Variants in KLHL13 observed in about 807,000 individuals in gnomAD.
KLHL13 encodes the protein kelch-like protein 13.
In KLHL13, 10 loss-of-function variants were observed where a neutral mutation model predicts 37.1. That is an observed-to-expected ratio of 0.27 (90% CI 0.17 to 0.46). The LOEUF is 0.46. Ranked by LOEUF, KLHL13 falls within the 20% of genes least tolerant of loss-of-function variation. The pLI, the probability that KLHL13 is intolerant of heterozygous loss-of-function variation, is 1.00. For missense variants in KLHL13, 360 were observed against 509.3 expected (o/e 0.71, Z 2.82); for synonymous variants, 163 against 181.2 (o/e 0.90, Z 0.81).
At chrX:118,085,942 T>C (rs1204683705) in intron 1 of KLHL13, among the ~76,000 whole-genome samples, 2 of 108,474 alleles carry the variant, frequency 1.8e-5, no homozygotes, top group Non-Finnish European at 3.8e-5. Flanking sequence ...TGCATGAAGA[T>C]GGATTTTTTT....
At chrX:117,945,696 T>C (rs1434308541) in intron 1 of KLHL13, 121 bp from the exon 3 acceptor site, 3 of 539,595 alleles carry the variant, frequency 5.6e-6, no homozygotes, top group African/African-American at 2.4e-5. Flanking sequence ...ATGGTGAATA[T>C]TGTTTCACTA....
At chrX:118,076,905 TTC>T (rs755332373) in intron 1 of KLHL13, among the ~76,000 whole-genome samples, 1 of 107,280 alleles carries the variant, frequency 9.3e-6, no homozygotes, top group African/African-American at 3.4e-5. Context: ...TCTCTTCTTC[TTC>T]TCTCTCTCTC....
rs144568986 is a variant in KLHL13, at chrX:117,915,243, T to C, written c.570+4278A>G. 9.6e-3 allele frequency among the ~76,000 whole-genome samples: 1,085 copies of C among 112,451 alleles called. 12 individuals carry two copies. The highest frequency in any genetic ancestry group is 0.032 in the African/African-American group (978 of 30,977). On this transcript the variant is annotated intron_variant, in intron 4 of 6. Transcript: ENST00000262820. ...TGAAAAATGTGAAATATATGTACTA[T>C]GCAGGAAATCCTCAGTAATTTAGTA...
At chrX:117,919,536 C>T (rs6645994) in exon 4 of KLHL13, 125,860 of 1,203,763 alleles carry the variant, frequency 0.1, 13,138 homozygotes, top group African/African-American at 0.71. Flanking sequence ...ATATGAGAAA[C>T]ACTTTACAGA....
intron 1 of KLHL13, among the ~76,000 whole-genome samples, chrX:118,056,934 C>A (rs759817147): frequency 1.5e-4 from 17 of 112,149 alleles, no homozygotes; most frequent in Non-Finnish European, 3.0e-4. Flanking sequence ...AGCCTCCGAG[C>A]ACTTAAATCT....
At chrX:118,081,877 A>C (rs2054998056) in intron 1 of KLHL13, among the ~76,000 whole-genome samples, 1 of 109,676 alleles carries the variant, frequency 9.1e-6, no homozygotes, top group Non-Finnish European at 1.9e-5. Context: ...AATGACCCCC[A>C]GTTTTATCCA....
At position 118,069,420 on chromosome X, in the gene KLHL13, TAAA is replaced by T. The variant is rs66906743; in HGVS notation, c.-56+47085_-56+47087del. Among the ~76,000 whole-genome samples the T allele has an allele frequency of 7.6e-3, 465 of 61,529 alleles. 7 individuals carry two copies. Among genetic ancestry groups the T allele is most frequent in the African/African-American group, 0.026 (438 of 16,560 alleles). The allele number at this position is 61,529 out of a possible 115,157, so 53.4% of individuals were successfully genotyped here. ...TTTTAACAAAAAAAAGTTTAAAATGTAAAAAAAAAAAAAAAAAAAACAATTTTA... is the reference window on the plus strand; with the variant it reads ...TTTTAACAAAAAAAAGTTTAAAATGTAAAAAAAAAAAAAAAAACAATTTTA... On this transcript the variant is annotated intron_variant, in intron 1 of 6. Transcript: ENST00000371882.
At chrX:118,098,818 C>G (rs1400413937) in intron 1 of KLHL13, among the ~76,000 whole-genome samples, 2 of 104,010 alleles carry the variant, frequency 1.9e-5, no homozygotes, top group African/African-American at 7.0e-5. Flanking sequence ...AGCAAACTAC[C>G]GCAAAGACAA....
chrX:118,062,985 G>C (rs752004518), intron 1 of KLHL13, among the ~76,000 whole-genome samples: 53 of 111,848 alleles, frequency 4.7e-4, no homozygotes, highest in Non-Finnish European at 9.3e-4. Context: ...AAAAAATAGA[G>C]AAGTGGTTTA....
intron 1 of KLHL13, among the ~76,000 whole-genome samples, chrX:118,015,840 G>A (rs1020234631): frequency 9.0e-6 from 1 of 110,865 alleles, no homozygotes; most frequent in African/African-American, 3.3e-5. Flanking sequence ...AAAGTAACTG[G>A]TCTCAGAATT....
intron 1 of KLHL13, among the ~76,000 whole-genome samples, chrX:118,020,048 A>G (rs1159053909): frequency 9.0e-6 from 1 of 110,657 alleles, no homozygotes; most frequent in East Asian, 2.8e-4. Flanking sequence ...TGGTAGCTTG[A>G]TGGGGATGGC....
chrX:118,041,009 A>T (rs1383342630), intron 1 of KLHL13, among the ~76,000 whole-genome samples: 3 of 111,949 alleles, frequency 2.7e-5, no homozygotes, highest in Admixed American at 9.5e-5. Flanking sequence ...ACCTTCCTTG[A>T]CAAACAAAAG....
intron 1 of KLHL13, among the ~76,000 whole-genome samples, chrX:118,068,249 G>C (rs2054816081): frequency 8.9e-6 from 1 of 111,889 alleles, no homozygotes; most frequent in Admixed American, 9.5e-5. Flanking sequence ...AGTATCACTA[G>C]AAAAGCACAA....
chrX:117,981,743 A>G (rs980498335), intron 1 of KLHL13, among the ~76,000 whole-genome samples: 8 of 111,372 alleles, frequency 7.2e-5, no homozygotes, highest in African/African-American at 2.3e-4. Flanking sequence ...AGAAATATCA[A>G]TTTTTCAGAT....
At chrX:118,092,047 G>A (rs1331472512) in intron 1 of KLHL13, among the ~76,000 whole-genome samples, 1 of 111,440 alleles carries the variant, frequency 9.0e-6, no homozygotes, top group African/African-American at 3.3e-5. Context: ...ATTAGACTTT[G>A]GACACTCAGG....
intron 1 of KLHL13, among the ~76,000 whole-genome samples, chrX:118,037,550 C>T (rs2054462321): frequency 9.7e-6 from 1 of 103,549 alleles, no homozygotes; most frequent in Non-Finnish European, 2.0e-5. Context: ...ACAATGAGAA[C>T]ACATGGACAC....
At chrX:118,071,620 C>CTTCA (rs1322405404) in intron 1 of KLHL13, among the ~76,000 whole-genome samples, 12 of 110,963 alleles carry the variant, frequency 1.1e-4, no homozygotes, top group African/African-American at 3.6e-4. Flanking sequence ...TGATAAGCAA[C>CTTCA]TTCAGCAAAG....
At chrX:117,908,259 T>C (rs988979945) in intron 5 of KLHL13, among the ~76,000 whole-genome samples, 13 of 108,644 alleles carry the variant, frequency 1.2e-4, no homozygotes, top group Non-Finnish European at 1.1e-4. Context: ...TTTATATTAT[T>C]ATACTTTAAG....
At chrX:118,014,607 C>A (rs2054106638) in intron 1 of KLHL13, among the ~76,000 whole-genome samples, 1 of 112,265 alleles carries the variant, frequency 8.9e-6, no homozygotes, top group African/African-American at 3.2e-5. Flanking sequence ...TTTTAGAATC[C>A]CTAACAAAAA....
Sources: gnomAD v4.1 joint callset for allele counts (sites outside exome capture counted in the v4.1 genomes callset) on GRCh38, gnomAD v4.1.1 for gene constraint, MANE v1.5 for transcripts, NCBI Gene and HGNC (gene_info 2026-07-23, HGNC 2026-07-21) for gene names.